The following NOS1AP variants were observed in gnomAD, a reference collection of about 807,000 sequenced individuals.
NOS1AP encodes the protein nitric oxide synthase 1 adaptor protein.
Under a neutral mutation model 56.2 loss-of-function variants are expected in NOS1AP, and 21 were observed. The ratio of observed to expected loss-of-function variants is 0.37; its 90% CI spans 0.26 to 0.54. The LOEUF is 0.54. Ranked by LOEUF, NOS1AP falls within the 20% of genes least tolerant of loss-of-function variation. The pLI is 0.84. For missense variants in NOS1AP, 522 were observed against 657.8 expected, an observed-to-expected ratio of 0.79 and a Z score of 2.26; for synonymous variants, 270 against 274.6, an observed-to-expected ratio of 0.98 and a Z score of 0.17.
chr1:162,352,730 A>C (rs56078624), intron 6 of NOS1AP, among the ~76,000 whole-genome samples: 8,770 of 151,760 alleles, frequency 0.058, 655 homozygotes, highest in African/African-American at 0.17. Context: ...TAAGGGCATG[A>C]ATCCCATCAT....
intron 4 of NOS1AP, among the ~76,000 whole-genome samples, chr1:162,303,904 CTTTTTT>C (rs35658165): frequency 9.0e-6 from 1 of 110,724 alleles, no homozygotes; most frequent in Non-Finnish European, 1.8e-5. Flanking sequence ...TCTGGCTTGT[CTTTTTT>C]TTTTTTTTTT....
intron 1 of NOS1AP, among the ~76,000 whole-genome samples, chr1:162,115,921 G>A (rs762207332): frequency 1.1e-4 from 16 of 152,140 alleles, no homozygotes; most frequent in Non-Finnish European, 2.9e-5. Flanking sequence ...ATTTGTACTG[G>A]TCTCTATCTA....
intron 2 of NOS1AP, among the ~76,000 whole-genome samples, chr1:162,168,167 A>C (rs1650595618): frequency 6.6e-6 from 1 of 152,228 alleles, no homozygotes; most frequent in Non-Finnish European, 1.5e-5. Context: ...AATGGCCAGG[A>C]TTCGGGCTCT....
chr1:162,261,516 GAGAGAGAGAGAGAGAGAGAGAGAGAGAGA>G (rs1557853911), intron 2 of NOS1AP, among the ~76,000 whole-genome samples: 298 of 24,552 alleles, frequency 0.012, 96 homozygotes, highest in Non-Finnish European at 0.027. Context: ...GAGAGAGAGA[GAGAGAGAGAGAGAGAGAGAGAGAGAGAGA>G]GCAATGAAAT....
At chr1:162,101,257 T>A (rs905027611) in intron 1 of NOS1AP, among the ~76,000 whole-genome samples, 1 of 152,156 alleles carries the variant, frequency 6.6e-6, no homozygotes, top group African/African-American at 2.4e-5. Context: ...AAGTGTGTGG[T>A]CTTCTTTCTG....
chr1:162,345,914 AAAAC>A (rs1420480766), intron 6 of NOS1AP, among the ~76,000 whole-genome samples: 5 of 152,272 alleles, frequency 3.3e-5, no homozygotes, highest in Admixed American at 3.3e-4. Flanking sequence ...AAAATTTAAA[AAAAC>A]AAGAATAGAA....
intron 1 of NOS1AP, among the ~76,000 whole-genome samples, chr1:162,127,216 A>G (rs1029660124): frequency 2.0e-5 from 3 of 151,838 alleles, no homozygotes; most frequent in African/African-American, 7.3e-5. Context: ...CTACTTTGTC[A>G]TTTGTCTTTT....
intron 2 of NOS1AP, among the ~76,000 whole-genome samples, chr1:162,186,137 C>T (rs1651423570): frequency 6.6e-6 from 1 of 152,146 alleles, no homozygotes; most frequent in Admixed American, 6.5e-5. Flanking sequence ...CTATATTCAG[C>T]ACCATTTATT....
At chr1:162,121,159 ATTTTTTTTTTGTTTTTTG>A (rs1230041828) in intron 1 of NOS1AP, among the ~76,000 whole-genome samples, 6 of 141,636 alleles carry the variant, frequency 4.2e-5, no homozygotes, top group African/African-American at 1.3e-4. Flanking sequence ...CTTGGAGAGA[ATTTTTTTTTTGTTTTTTG>A]TTTTTTTTTT....
In NOS1AP at chr1:162,319,914, C is replaced by T. The variant is rs552832749; in HGVS notation, c.345-13103C>T. Among the ~76,000 whole-genome samples the T allele has an allele frequency of 4.1e-4, 63 of 152,316 alleles. No homozygotes were observed. In the South Asian group the frequency reaches 0.012, roughly 30 times the overall value. ...CCAGGACCCTGACTGACACATTCCCCACCCCACAATCCTGCCACCTCCCAC... is the reference window on the plus strand; with the variant it reads ...CCAGGACCCTGACTGACACATTCCCTACCCCACAATCCTGCCACCTCCCAC... On this transcript the variant is annotated intron_variant, in intron 4 of 9. Transcript: ENST00000361897.
chr1:162,321,551 A>G (rs1161711553), intron 4 of NOS1AP, among the ~76,000 whole-genome samples: 2 of 151,884 alleles, frequency 1.3e-5, no homozygotes, highest in African/African-American at 4.8e-5. Context: ...GGGGGACATC[A>G]CACACCAGGG....
intron 2 of NOS1AP, among the ~76,000 whole-genome samples, chr1:162,249,986 T>A (rs1186200404): frequency 1.3e-5 from 2 of 152,210 alleles, no homozygotes; most frequent in South Asian, 4.1e-4. Flanking sequence ...AACTGCTAAA[T>A]GACTAGTCCA....
intron 4 of NOS1AP, among the ~76,000 whole-genome samples, chr1:162,326,401 A>G (rs1268098611): frequency 1.3e-5 from 2 of 152,202 alleles, no homozygotes. Context: ...CTGGGGGAAT[A>G]TGGCTGTGTT....
At chr1:162,103,547 C>T (rs529005285) in intron 1 of NOS1AP, among the ~76,000 whole-genome samples, 4 of 152,198 alleles carry the variant, frequency 2.6e-5, no homozygotes, top group South Asian at 2.1e-4. Context: ...AAGTCTCCCA[C>T]GACTACTCTG....
chr1:162,075,900 G>T (rs1013141089), intron 1 of NOS1AP, among the ~76,000 whole-genome samples: 1 of 152,064 alleles, frequency 6.6e-6, no homozygotes, highest in Non-Finnish European at 1.5e-5. Flanking sequence ...GGTATCTTGG[G>T]ATTTGATGGA....
intron 2 of NOS1AP, among the ~76,000 whole-genome samples, chr1:162,273,014 C>T (rs181968182): frequency 1.3e-5 from 2 of 152,180 alleles, no homozygotes; most frequent in East Asian, 3.9e-4. Flanking sequence ...GTGTCCATTG[C>T]CCTAGCTTAG....
intron 2 of NOS1AP, among the ~76,000 whole-genome samples, chr1:162,186,841 C>T (rs192513865): frequency 1.8e-4 from 27 of 152,268 alleles, no homozygotes; most frequent in South Asian, 8.3e-4. Flanking sequence ...TATAGCAACC[C>T]GAGCAGACTG....
chr1:162,116,923 T>TG lies in NOS1AP; in HGVS notation c.106-37475dup, dbSNP rs529156289. Among the ~76,000 whole-genome samples, 51 of 152,252 alleles carry TG rather than the reference T, an allele frequency of 3.3e-4. 1 individual carries two copies. The highest frequency in any genetic ancestry group is 1.1e-3 in the African/African-American group (44 of 41,540). Reference sequence around the variant, plus strand: ...GTTGCTACATAGATCTGTAGCTTTTTGGGGGGGCTGGAGGGTACTCATATA... The same window carrying TG: ...GTTGCTACATAGATCTGTAGCTTTTTGGGGGGGGCTGGAGGGTACTCATATA... On this transcript the variant is annotated intron_variant, in intron 1 of 9. Transcript: ENST00000361897.
chr1:162,304,133 T>G (rs1325739710), intron 4 of NOS1AP, among the ~76,000 whole-genome samples: 1 of 152,122 alleles, frequency 6.6e-6, no homozygotes, highest in African/African-American at 2.4e-5. Context: ...TTGATTCAAT[T>G]TTTTATGTGG....
Sources: allele counts gnomAD v4.1 joint callset (sites outside exome capture counted in the v4.1 genomes callset), GRCh38; gene constraint gnomAD v4.1.1; transcripts MANE v1.5; gene names NCBI Gene and HGNC (gene_info 2026-07-23, HGNC 2026-07-21).